XKR9: variants seen among roughly 807,000 people sequenced by gnomAD.
The protein encoded by XKR9 is XK related 9.
XKR9 carries 32 observed loss-of-function variants against 32.0 expected under a neutral mutation model. The ratio of observed to expected loss-of-function variants is 1.00; its 90% CI spans 0.76 to 1.34. The LOEUF (loss-of-function observed/expected upper bound fraction) is 1.34, where lower values mean the gene tolerates loss of function less well. XKR9 is among the 40% of genes most tolerant of loss of function. The pLI, the probability that XKR9 is intolerant of heterozygous loss-of-function variation, is 0.00. For missense variants in XKR9, 546 were observed against 429.7 expected (o/e 1.27, Z -2.39); for synonymous variants, 168 against 143.4 (o/e 1.17, Z -1.22).
chr8:70,766,808 G>A (rs1191669540), intron 2 of XKR9, among the ~76,000 whole-genome samples: 1 of 152,158 alleles, frequency 6.6e-6, no homozygotes, highest in Admixed American at 6.5e-5. Flanking sequence ...TAGCATGAAG[G>A]GGTGTTGAAG....
chr8:70,846,196 T>G, the XKR9 span, among the ~76,000 whole-genome samples: 63 of 152,224 alleles, frequency 4.1e-4, no homozygotes, highest in Admixed American at 1.4e-3. Context: ...AGTACCTTAC[T>G]TACCAAAGTT....
the XKR9 span, among the ~76,000 whole-genome samples, chr8:70,894,178 A>G: frequency 6.6e-6 from 1 of 151,908 alleles, no homozygotes; most frequent in Non-Finnish European, 1.5e-5. Flanking sequence ...GGGATGAGTC[A>G]CTGTGTAGTA....
At chr8:70,670,543 C>T (rs1818680169) in intron 1 of XKR9, 1 of 150,968 alleles carries the variant, frequency 6.6e-6, no homozygotes, top group African/African-American at 2.4e-5. Context: ...GAAATTGACA[C>T]ATACAGTGCT....
chr8:70,676,217 C>G (rs544340639), intron 2 of XKR9, among the ~76,000 whole-genome samples: 5 of 152,112 alleles, frequency 3.3e-5, no homozygotes, highest in Non-Finnish European at 7.3e-5. Flanking sequence ...TTTACAACAA[C>G]CAGATCTCAC....
At chr8:70,841,194 C>T in the XKR9 span, among the ~76,000 whole-genome samples, 2 of 151,952 alleles carry the variant, frequency 1.3e-5, no homozygotes, top group East Asian at 1.9e-4. Flanking sequence ...TTTTCTGGAC[C>T]TCAGTTTCCA....
At chr8:70,983,296 A>T in the XKR9 span, among the ~76,000 whole-genome samples, 1 of 151,752 alleles carries the variant, frequency 6.6e-6, no homozygotes, top group African/African-American at 2.4e-5. Context: ...CATCTGGGGG[A>T]CCTTCTGGGA....
intron 2 of XKR9, among the ~76,000 whole-genome samples, chr8:70,769,322 G>A (rs1031371532): frequency 4.0e-5 from 6 of 151,772 alleles, no homozygotes; most frequent in Non-Finnish European, 8.8e-5. Flanking sequence ...AGTCTGATGG[G>A]CTTCCCTTTG....
chr8:70,965,325 G>C, the XKR9 span, among the ~76,000 whole-genome samples: 2,864 of 152,210 alleles, frequency 0.019, 81 homozygotes, highest in African/African-American at 0.066. Context: ...TAAGCTTTTC[G>C]ATGTGCTTGC....
At chr8:70,779,929 A>G (rs1273058267) in intron 2 of XKR9, among the ~76,000 whole-genome samples, 2 of 151,898 alleles carry the variant, frequency 1.3e-5, no homozygotes, top group Admixed American at 6.6e-5. Context: ...GATTTTTTGA[A>G]GGTTTTTTTT....
the XKR9 span, among the ~76,000 whole-genome samples, chr8:71,018,438 G>T: frequency 6.6e-6 from 1 of 152,194 alleles, no homozygotes; most frequent in African/African-American, 2.4e-5. Context: ...TGTCTAGGAA[G>T]AATAAGTTCT....
chr8:70,814,298 G>A, the XKR9 span, among the ~76,000 whole-genome samples: 4 of 151,946 alleles, frequency 2.6e-5, no homozygotes, highest in Non-Finnish European at 5.9e-5. Context: ...GTTGTGGGGT[G>A]GGGGAAAGGG....
downstream of XKR9, among the ~76,000 whole-genome samples, chr8:70,739,992 T>A (rs1431985747): frequency 6.6e-6 from 1 of 152,180 alleles, no homozygotes; most frequent in Admixed American, 6.5e-5. Flanking sequence ...TTCTCTGTAT[T>A]TCCTGTATGT....
At chr8:70,817,068 T>C in the XKR9 span, among the ~76,000 whole-genome samples, 1 of 151,778 alleles carries the variant, frequency 6.6e-6, no homozygotes, top group African/African-American at 2.4e-5. Flanking sequence ...CCCTAAAGAC[T>C]CCACAAAAAG....
intron 3 of XKR9, among the ~76,000 whole-genome samples, chr8:70,684,484 A>G (rs1819191533): frequency 6.6e-6 from 1 of 152,150 alleles, no homozygotes; most frequent in Non-Finnish European, 1.5e-5. Flanking sequence ...ACACATAAGC[A>G]TACATAATCA....
At chr8:70,909,656 C>T in the XKR9 span, among the ~76,000 whole-genome samples, 1 of 131,500 alleles carries the variant, frequency 7.6e-6, no homozygotes, top group African/African-American at 2.8e-5. Flanking sequence ...AGAAAAAAAA[C>T]AAAAACAACA....
chr8:70,757,446 A>C (rs189589316), intron 2 of XKR9, among the ~76,000 whole-genome samples: 1 of 150,566 alleles, frequency 6.6e-6, no homozygotes. Flanking sequence ...ACACTTTGCA[A>C]CTCCAGAATT....
At chr8:70,703,207 A>G (rs1805600880) in intron 3 of XKR9, among the ~76,000 whole-genome samples, 1 of 150,720 alleles carries the variant, frequency 6.6e-6, no homozygotes, top group East Asian at 1.9e-4. Flanking sequence ...TAGGATGTCA[A>G]TTTTACCTGT....
the XKR9 span, among the ~76,000 whole-genome samples, chr8:70,979,315 G>A: frequency 6.6e-6 from 1 of 152,166 alleles, no homozygotes; most frequent in African/African-American, 2.4e-5. Flanking sequence ...AGGAGAAGGG[G>A]TGCTGGGTTT....
chr8:70,832,634 A>T, the XKR9 span, among the ~76,000 whole-genome samples: 1 of 152,130 alleles, frequency 6.6e-6, no homozygotes, highest in South Asian at 2.1e-4. Context: ...TTACTAGATA[A>T]CTCCTATTAA....
Sources: gnomAD v4.1 joint callset for allele counts (sites outside exome capture counted in the v4.1 genomes callset) on GRCh38, gnomAD v4.1.1 for gene constraint, MANE v1.5 for transcripts, NCBI Gene and HGNC (gene_info 2026-07-23, HGNC 2026-07-21) for gene names.